Variants in PTPRD observed in about 807,000 individuals in gnomAD.
The protein encoded by PTPRD is protein tyrosine phosphatase receptor type D, also known as receptor-type tyrosine-protein phosphatase delta.
In PTPRD, 34 loss-of-function variants were observed where a neutral mutation model predicts 214.5. The ratio of observed to expected loss-of-function variants is 0.16; its 90% confidence interval spans 0.12 to 0.21. PTPRD has a LOEUF of 0.21. Among genes scored for constraint, PTPRD ranks in the 10% least tolerant of loss-of-function variants. The pLI, the probability that PTPRD is intolerant of heterozygous loss-of-function variation, is 1.00. For synonymous variants in PTPRD, 1,128 were observed against 845.7 expected, an observed-to-expected ratio of 1.33 and a Z score of -5.79; for missense variants, 2,545 against 2,398.7, an observed-to-expected ratio of 1.06 and a Z score of -1.27.
intron 9 of PTPRD, among the ~76,000 whole-genome samples, chr9:9,226,326 CAG>C (rs2099959446): frequency 6.6e-6 from 1 of 151,892 alleles, no homozygotes; most frequent in Admixed American, 6.6e-5. Context: ...AATCTAATAT[CAG>C]GGGATTAAAG....
intron 5 of PTPRD, among the ~76,000 whole-genome samples, chr9:9,823,026 T>C (rs2051335263): frequency 6.6e-6 from 1 of 152,154 alleles, no homozygotes; most frequent in African/African-American, 2.4e-5. Flanking sequence ...CTCCAATTTA[T>C]TGCAGCACTA....
At chr9:9,347,312 A>G (rs945674654) in intron 9 of PTPRD, among the ~76,000 whole-genome samples, 7 of 149,694 alleles carry the variant, frequency 4.7e-5, no homozygotes, top group African/African-American at 1.7e-4. Context: ...CTCTATGTGT[A>G]TATATATAAA....
At chr9:10,414,759 T>C (rs2098471068) in intron 2 of PTPRD, among the ~76,000 whole-genome samples, 2 of 151,832 alleles carry the variant, frequency 1.3e-5, no homozygotes, top group South Asian at 2.1e-4. Flanking sequence ...TATGCAGCCA[T>C]AAAAAGAATG....
intron 11 of PTPRD, among the ~76,000 whole-genome samples, chr9:8,910,687 T>G (rs2098740872): frequency 6.6e-6 from 1 of 152,230 alleles, no homozygotes; most frequent in Non-Finnish European, 1.5e-5. Context: ...TTACTCAGTT[T>G]CAGATATTCT....
chr9:9,674,125 A>T (rs1174076783), intron 7 of PTPRD, among the ~76,000 whole-genome samples: 1 of 151,840 alleles, frequency 6.6e-6, no homozygotes, highest in Non-Finnish European at 1.5e-5. Flanking sequence ...TCTGTGTAAA[A>T]TAGTATATTT....
chr9:10,509,513 A>G (rs1392071623), intron 2 of PTPRD, among the ~76,000 whole-genome samples: 1 of 90,214 alleles, frequency 1.1e-5, no homozygotes, highest in Non-Finnish European at 2.3e-5. Flanking sequence ...AATGATCATT[A>G]TAGCTGACTT....
intron 12 of PTPRD, among the ~76,000 whole-genome samples, chr9:8,716,549 C>G (rs576450856): frequency 7.9e-5 from 12 of 151,424 alleles, no homozygotes; most frequent in East Asian, 3.9e-4. Flanking sequence ...AGAGGCCCTA[C>G]ACAGAGATTG....
At chr9:9,099,357 A>G (rs2099788155) in intron 10 of PTPRD, among the ~76,000 whole-genome samples, 1 of 152,220 alleles carries the variant, frequency 6.6e-6, no homozygotes, top group African/African-American at 2.4e-5. Flanking sequence ...TCAAAATATT[A>G]CACACTAAAA....
At chr9:10,343,904 T>G (rs371575765) in intron 2 of PTPRD, among the ~76,000 whole-genome samples, 13 of 151,956 alleles carry the variant, frequency 8.6e-5, no homozygotes, top group African/African-American at 2.9e-4. Context: ...ATTCTGGATA[T>G]TAGCTCTTTG....
rs924932745 is a variant in PTPRD at position 9,255,284 on chromosome 9, C to T, written c.-202-71921G>A. ...TTCCGTTATCATTGATTTATTTTGA[C>T]CTATCTCAAGGACTGACTTAGTCTG... On this transcript the variant is annotated intron_variant, in intron 9 of 45. Transcript: ENST00000381196. Among the ~76,000 whole-genome samples the T allele has an allele frequency of 3.3e-5, 5 of 151,982 alleles. No homozygotes were observed. In the South Asian group the frequency reaches 8.3e-4, roughly 25 times the overall value.
chr9:9,270,944 A>G (rs1389398340), intron 9 of PTPRD, among the ~76,000 whole-genome samples: 1 of 151,330 alleles, frequency 6.6e-6, no homozygotes, highest in African/African-American at 2.4e-5. Context: ...GTACTTGCAT[A>G]AACACTGGAT....
chr9:9,095,556 T>A (rs1329738433), intron 10 of PTPRD, among the ~76,000 whole-genome samples: 1 of 152,166 alleles, frequency 6.6e-6, no homozygotes, highest in Non-Finnish European at 1.5e-5. Context: ...TCTCCAACTC[T>A]TGGCCTCAAG....
chr9:8,525,545 A>G lies in PTPRD; in HGVS notation c.569-510T>C, dbSNP rs575237686. 7.9e-5 allele frequency among the ~76,000 whole-genome samples: 12 copies of G among 152,324 alleles called. No individual in the cohort carries two copies. In the East Asian group the frequency reaches 2.1e-3, roughly 27 times the overall value. Reference sequence around the variant, plus strand: ...ACAAAGCAAAAAATTAAAATTAGTCATTATAAATTATCAAAATATCACTTA... The same window carrying G: ...ACAAAGCAAAAAATTAAAATTAGTCGTTATAAATTATCAAAATATCACTTA... On this transcript the variant is annotated intron_variant, in intron 17 of 45. Transcript: ENST00000381196.
chr9:8,583,831 T>A (rs1171490276), intron 14 of PTPRD, among the ~76,000 whole-genome samples: 1 of 152,228 alleles, frequency 6.6e-6, no homozygotes, highest in Admixed American at 6.5e-5. Flanking sequence ...TTGTTGTTTT[T>A]CTGTACTTTC....
At chr9:9,616,883 G>A (rs1209379617) in intron 7 of PTPRD, among the ~76,000 whole-genome samples, 1 of 152,128 alleles carries the variant, frequency 6.6e-6, no homozygotes, top group African/African-American at 2.4e-5. Context: ...GAGACTGTTT[G>A]TTATGATTTC....
At chr9:9,245,688 G>A (rs748401365) in intron 9 of PTPRD, among the ~76,000 whole-genome samples, 20 of 152,058 alleles carry the variant, frequency 1.3e-4, no homozygotes, top group Non-Finnish European at 2.6e-4. Context: ...GTTGATGGGT[G>A]CAGCACACCA....
intron 14 of PTPRD, among the ~76,000 whole-genome samples, chr9:8,549,465 G>C (rs1216804301): frequency 1.3e-5 from 2 of 152,210 alleles, no homozygotes; most frequent in Non-Finnish European, 2.9e-5. Flanking sequence ...TTTACAGTGA[G>C]AAGAGTATGG....
intron 7 of PTPRD, among the ~76,000 whole-genome samples, chr9:9,733,227 A>G (rs954540216): frequency 3.9e-5 from 6 of 152,196 alleles, no homozygotes; most frequent in African/African-American, 1.4e-4. Flanking sequence ...TAAGACAGAG[A>G]GAAATATGTC....
At chr9:9,788,336 A>G (rs1049275748) in intron 5 of PTPRD, among the ~76,000 whole-genome samples, 4 of 150,890 alleles carry the variant, frequency 2.7e-5, no homozygotes, top group African/African-American at 7.3e-5. Context: ...TGGATCACGA[A>G]GTCAGGAGAT....
Sources: allele counts gnomAD v4.1 joint callset (sites outside exome capture counted in the v4.1 genomes callset), GRCh38; gene constraint gnomAD v4.1.1; transcripts MANE v1.5; gene names NCBI Gene and HGNC (gene_info 2026-07-23, HGNC 2026-07-21).